FA2H: variants seen among roughly 807,000 people sequenced by gnomAD.
FA2H encodes fatty acid alpha-hydroxylase.
FA2H carries 22 observed loss-of-function variants against 44.9 expected under a neutral mutation model. The ratio of observed to expected loss-of-function variants is 0.49; its 90% CI spans 0.35 to 0.70. FA2H has a LOEUF of 0.70. Among genes scored for constraint, FA2H ranks in the 30% least tolerant of loss-of-function variants. The probability of loss-of-function intolerance (pLI) is 0.01; values close to 1 mark genes in which losing one functional copy is unlikely to be tolerated. For missense variants in FA2H, 501 were observed against 504.9 expected, an observed-to-expected ratio of 0.99 and a Z score of 0.07; for synonymous variants, 243 against 213.2, an observed-to-expected ratio of 1.14 and a Z score of -1.22.
intron 1 of FA2H, among the ~76,000 whole-genome samples, chr16:74,745,762 C>A (rs1310555643): frequency 6.6e-6 from 1 of 151,434 alleles, no homozygotes. Flanking sequence ...TCTGGTCAGT[C>A]CAAGCCACAA....
chr16:74,726,606 C>T (rs1479088987), intron 3 of FA2H, among the ~76,000 whole-genome samples: 5 of 152,174 alleles, frequency 3.3e-5, no homozygotes, highest in African/African-American at 7.2e-5. Flanking sequence ...AGGCTGGTCT[C>T]GAACTCCTGA....
In FA2H at chr16:74,756,178, C is replaced by T. The variant is rs908609153; in HGVS notation, c.271-16063G>A. On this transcript the variant is annotated intron_variant, in intron 1 of 6. Transcript: ENST00000219368. ...TCCTAGCCTTGGTCATCCACGCACA[C>T]GTGGAATCTGGCCTGCAGGCCTCCC... Among the ~76,000 whole-genome samples, 5 of 152,320 alleles carry T rather than the reference C, an allele frequency of 3.3e-5. No homozygotes were observed. In the South Asian group the frequency reaches 6.2e-4, roughly 19 times the overall value.
intron 2 of FA2H, among the ~76,000 whole-genome samples, chr16:74,736,820 G>A (rs1445252014): frequency 1.3e-5 from 2 of 152,158 alleles, no homozygotes; most frequent in East Asian, 3.9e-4. Flanking sequence ...TTCATGGTCA[G>A]CTGTTGGGGT....
intron 2 of FA2H, among the ~76,000 whole-genome samples, chr16:74,734,570 G>C (rs1470633904): frequency 6.6e-6 from 1 of 152,230 alleles, no homozygotes; most frequent in East Asian, 1.9e-4. Context: ...CCCAGGCTAT[G>C]CCAGGAATGT....
At chr16:74,757,834 T>C (rs1962635884) in intron 1 of FA2H, among the ~76,000 whole-genome samples, 1 of 152,022 alleles carries the variant, frequency 6.6e-6, no homozygotes, top group Admixed American at 6.6e-5. Context: ...CTGGGCAACA[T>C]GGCAAAACCC....
chr16:74,765,693 A>G (rs1962797086), intron 1 of FA2H, among the ~76,000 whole-genome samples: 1 of 152,080 alleles, frequency 6.6e-6, no homozygotes, highest in Non-Finnish European at 1.5e-5. Flanking sequence ...AGCTGGGACT[A>G]CAGACACATG....
chr16:74,766,427 A>G lies in FA2H; in HGVS notation c.270+8059T>C, dbSNP rs542412715. On this transcript the variant is annotated intron_variant, in intron 1 of 6. Coordinates refer to ENST00000219368, the MANE Select transcript of FA2H (RefSeq NM_024306.5). The stretch of plus-strand genomic sequence containing the variant: ...GAGGTAAGGAGAATCTCTGTGGAAG[A>G]AAGAGGATTCAAGCTGGACTTAAGG... Among the ~76,000 whole-genome samples, 7 of 152,326 alleles carry G rather than the reference A, an allele frequency of 4.6e-5. No individual in the cohort carries two copies. The South Asian group carries it at 1.5e-3, about 32-fold the overall frequency.
chr16:74,770,004 C>T (rs764525897), intron 1 of FA2H, among the ~76,000 whole-genome samples: 2 of 152,190 alleles, frequency 1.3e-5, no homozygotes, highest in African/African-American at 2.4e-5. Context: ...AAGTGGGGTG[C>T]AGGGGGAACA....
intron 1 of FA2H, among the ~76,000 whole-genome samples, chr16:74,759,702 G>A (rs1227037552): frequency 1.3e-5 from 2 of 152,234 alleles, no homozygotes; most frequent in Non-Finnish European, 2.9e-5. Context: ...TCACAGCCAT[G>A]CTGGCTGGAA....
intron 1 of FA2H, among the ~76,000 whole-genome samples, chr16:74,743,170 T>G (rs1962346947): frequency 6.6e-6 from 1 of 152,218 alleles, no homozygotes; most frequent in Admixed American, 6.5e-5. Flanking sequence ...ACAGTATTTA[T>G]GAATGCAGAA....
intron 2 of FA2H, among the ~76,000 whole-genome samples, chr16:74,734,283 G>A (rs1449162812): frequency 6.6e-6 from 1 of 152,264 alleles, no homozygotes; most frequent in South Asian, 2.1e-4. Flanking sequence ...AGTGGAACCC[G>A]ACGCTAGAGA....
At chr16:74,737,181 G>T (rs1217861526) in intron 2 of FA2H, among the ~76,000 whole-genome samples, 1 of 152,110 alleles carries the variant, frequency 6.6e-6, no homozygotes, top group East Asian at 1.9e-4. Context: ...GGCTCCCAAG[G>T]GAGGGCTCCG....
intron 2 of FA2H, among the ~76,000 whole-genome samples, chr16:74,733,354 A>G (rs781138845): frequency 6.6e-6 from 1 of 151,964 alleles, no homozygotes; most frequent in Non-Finnish European, 1.5e-5. Context: ...CCGACCCCCG[A>G]CCCAATTTAT....
rs1962971496 is a variant in FA2H at position 74,774,499 on chromosome 16, C to T, written c.257G>A (p.Arg86His). Residue 86 changes from arginine (R) to histidine (H), a missense_variant, in exon 1 of 7, where the codon CGC becomes CAC. Transcript: ENST00000219368. ...WLEQYYVGELRGEQQGSMENE... is the reference protein window; with the variant it reads ...WLEQYYVGELHGEQQGSMENE... ...GCCCGGCTGTACCTGCTGCTCCCCG[C>T]GGAGCTCTCCCACGTAGTACTGCTC... 10 of 1,538,412 alleles carry T rather than the reference C, an allele frequency of 6.5e-6. No homozygotes were observed. Among genetic ancestry groups the T allele is most frequent in the Admixed American group, 1.9e-5 (1 of 52,260 alleles).
intron 1 of FA2H, among the ~76,000 whole-genome samples, chr16:74,746,738 G>C (rs183411560): frequency 2.0e-5 from 3 of 152,122 alleles, no homozygotes; most frequent in Admixed American, 1.3e-4. Flanking sequence ...AGAGACAGAC[G>C]AGAGCAGGGG....
chr16:74,753,303 A>C (rs1567647071), intron 1 of FA2H, among the ~76,000 whole-genome samples: 1 of 152,328 alleles, frequency 6.6e-6, no homozygotes, highest in South Asian at 2.1e-4. Flanking sequence ...GGGCAAGAGC[A>C]TGGGCTGCCC....
chr16:74,733,445 C>A (rs777694445), intron 2 of FA2H, among the ~76,000 whole-genome samples: 2 of 152,192 alleles, frequency 1.3e-5, no homozygotes, highest in African/African-American at 2.4e-5. Flanking sequence ...CCTCCCTCCC[C>A]CTTCCCCCAG....
At chr16:74,759,350 C>T (rs1962666950) in intron 1 of FA2H, among the ~76,000 whole-genome samples, 1 of 152,154 alleles carries the variant, frequency 6.6e-6, no homozygotes, top group South Asian at 2.1e-4. Context: ...CTGAGATGGG[C>T]TTTTCCTGGC....
intron 1 of FA2H, among the ~76,000 whole-genome samples, chr16:74,763,379 T>C (rs920185111): frequency 6.6e-6 from 1 of 152,142 alleles, no homozygotes; most frequent in Non-Finnish European, 1.5e-5. Context: ...TATCTCAGCC[T>C]TCCGAGTAAC....
Sources: gnomAD v4.1 joint callset for allele counts (sites outside exome capture counted in the v4.1 genomes callset) on GRCh38, gnomAD v4.1.1 for gene constraint, MANE v1.5 for transcripts, NCBI Gene and HGNC (gene_info 2026-07-23, HGNC 2026-07-21) for gene names.